The following RCL1 variants were observed in gnomAD, a reference collection of about 807,000 sequenced individuals.
RCL1 encodes the protein RNA terminal phosphate cyclase like 1, also known as RNA 3'-terminal phosphate cyclase-like protein.
RCL1 carries 24 observed loss-of-function variants against 42.4 expected under a neutral mutation model. The ratio of observed to expected loss-of-function variants is 0.57; its 90% CI spans 0.41 to 0.80. The LOEUF is 0.80. Among genes scored for constraint, RCL1 ranks in the 30% least tolerant of loss-of-function variants. The pLI is 0.00. For synonymous variants in RCL1, 228 were observed against 177.3 expected, an observed-to-expected ratio of 1.29 and a Z score of -2.27; for missense variants, 578 against 467.9, an observed-to-expected ratio of 1.24 and a Z score of -2.17.
rs759549494 is a variant in RCL1, at chr9:4,861,036, T to C, written c.*761T>C. The C allele has an allele frequency of 6.6e-6, 1 of 152,256 alleles. No homozygotes were observed. Among genetic ancestry groups the C allele is most frequent in the Non-Finnish European group, 1.5e-5 (1 of 68,050 alleles). 9.4% of individuals were successfully genotyped at this position (152,256 alleles called of 1,614,324 possible). A position where few individuals can be genotyped will look rare whatever the true frequency, so the allele number is the denominator to read the frequency against. ...TGTTTTGTTCCTTTGAAATGTATAA[T>C]GTAAAGACATTAAATCTCCTCATTT... On this transcript the variant is annotated 3_prime_UTR_variant, in exon 9 of 9. Coordinates refer to ENST00000381750, the MANE Select transcript of RCL1 (RefSeq NM_005772.5).
chr9:4,835,605 A>G (rs1817097169), intron 5 of RCL1, among the ~76,000 whole-genome samples: 3 of 152,250 alleles, frequency 2.0e-5, no homozygotes, highest in South Asian at 2.1e-4. Flanking sequence ...CCTTTTACAA[A>G]AAGATTGGTA....
At chr9:4,849,619 G>C (rs1817651078) in intron 8 of RCL1, 69 bp downstream of exon 8, 1 of 1,173,712 alleles carries the variant, frequency 8.5e-7, no homozygotes, top group Non-Finnish European at 1.3e-6. Context: ...AATGACAAAG[G>C]GTGTTGTGCT....
intron 1 of RCL1, among the ~76,000 whole-genome samples, chr9:4,806,633 C>CACACACACACACAT (rs869274587): frequency 2.1e-5 from 3 of 140,970 alleles, no homozygotes; most frequent in African/African-American, 7.7e-5. Context: ...CACACACACA[C>CACACACACACACAT]ATATACTTAC....
Position 4,829,215 on chromosome 9 carries a change from C to T in RCL1, c.384+2182C>T, listed in dbSNP as rs142353838. Among the ~76,000 whole-genome samples, 200 of 152,242 alleles carry T rather than the reference C, an allele frequency of 1.3e-3. 1 individual carries two copies. Among genetic ancestry groups the T allele is most frequent in the African/African-American group, 4.6e-3 (193 of 41,536 alleles). ...TTTCTTGAGGAGGGAAAATCAGAATCAGTCTGGGTTTTAGGAAGATAATTC... is the reference window on the plus strand; with the variant it reads ...TTTCTTGAGGAGGGAAAATCAGAATTAGTCTGGGTTTTAGGAAGATAATTC... On this transcript the variant is annotated intron_variant, in intron 3 of 8. Transcript: ENST00000381750.
chr9:4,814,933 A>G (rs773264187), intron 1 of RCL1, among the ~76,000 whole-genome samples: 5 of 151,374 alleles, frequency 3.3e-5, no homozygotes, highest in Non-Finnish European at 4.4e-5. Flanking sequence ...TGAATATATC[A>G]TCTTATTCTC....
At chr9:4,798,836 C>T (rs936777168) in intron 1 of RCL1, among the ~76,000 whole-genome samples, 1 of 150,802 alleles carries the variant, frequency 6.6e-6, no homozygotes, top group Non-Finnish European at 1.5e-5. Context: ...ACAAAGTATG[C>T]TTCCAAGTGA....
At chr9:4,814,161 AAAAT>A (rs1479040577) in intron 1 of RCL1, among the ~76,000 whole-genome samples, 1 of 147,930 alleles carries the variant, frequency 6.8e-6, no homozygotes, top group Non-Finnish European at 1.5e-5. Context: ...AAAATACAAT[AAAAT>A]AAAATTTCCC....
chr9:4,799,468 G>A (rs1842964143), intron 1 of RCL1, among the ~76,000 whole-genome samples: 1 of 152,144 alleles, frequency 6.6e-6, no homozygotes, highest in Non-Finnish European at 1.5e-5. Flanking sequence ...TATTGACATT[G>A]ATACAGTGAG....
At chr9:4,831,900 A>G (rs1816954435) in intron 3 of RCL1, among the ~76,000 whole-genome samples, 1 of 152,212 alleles carries the variant, frequency 6.6e-6, no homozygotes. Flanking sequence ...AGAGATAAGG[A>G]AATTCAGATA....
At chr9:4,829,278 C>G (rs779321760) in intron 3 of RCL1, among the ~76,000 whole-genome samples, 1 of 152,112 alleles carries the variant, frequency 6.6e-6, no homozygotes, top group Non-Finnish European at 1.5e-5. Flanking sequence ...AGGTGATAGA[C>G]TAGCTTGGGC....
At chr9:4,803,124 G>A (rs1843034070) in intron 1 of RCL1, among the ~76,000 whole-genome samples, 2 of 152,006 alleles carry the variant, frequency 1.3e-5, no homozygotes, top group South Asian at 4.1e-4. Flanking sequence ...CAGAATTACA[G>A]GTGTTGAGCC....
intron 1 of RCL1, among the ~76,000 whole-genome samples, chr9:4,803,390 A>T (rs1047539706): frequency 6.6e-6 from 1 of 152,222 alleles, no homozygotes; most frequent in Non-Finnish European, 1.5e-5. Context: ...CAAAGAGAAT[A>T]CAAGGTGATC....
Position 4,860,119 on chromosome 9 carries a change from T to G in RCL1, c.972-6T>G, listed in dbSNP as rs1323581230. ...TTATTTATTTATTTATTTTTTTCCT[T>G]TTTAGGATAGAATTTTTGCGGCATT... On this transcript the variant is annotated splice_polypyrimidine_tract_variant and splice_region_variant and intron_variant, in intron 8 of 8. Coordinates refer to ENST00000381750, the MANE Select transcript of RCL1 (RefSeq NM_005772.5). 2 of 1,558,856 alleles carry G rather than the reference T, an allele frequency of 1.3e-6. No individual in the cohort carries two copies. The highest frequency in any genetic ancestry group is 4.0e-5 in the Admixed American group (2 of 50,578).
chr9:4,842,131 GT>G (rs1189497259), intron 6 of RCL1, among the ~76,000 whole-genome samples: 2 of 152,132 alleles, frequency 1.3e-5, no homozygotes, highest in African/African-American at 4.8e-5. Context: ...GTTTGTTTTT[GT>G]TTTTTACTGA....
Position 4,860,383 on chromosome 9 carries a change from G to C in RCL1, c.*108G>C, listed in dbSNP as rs147508431. The C allele has an allele frequency of 3.8e-4, 438 of 1,157,536 alleles. 2 individuals carry two copies. In the African/African-American group the frequency reaches 4.7e-3, roughly 12 times the overall value. The allele number at this position is 1,157,536 out of a possible 1,614,324, so 71.7% of individuals were successfully genotyped here. A position where few individuals can be genotyped will look rare whatever the true frequency, so the allele number is the denominator to read the frequency against. On this transcript the variant is annotated 3_prime_UTR_variant, in exon 9 of 9. Transcript: ENST00000381750. Reference sequence around the variant, plus strand: ...TTAATCCAGGACAGAATAGCCACTTGCTTAATTTTCTGTGAAGAAATATCA... The same window carrying C: ...TTAATCCAGGACAGAATAGCCACTTCCTTAATTTTCTGTGAAGAAATATCA...
intron 3 of RCL1, 66 bp downstream of exon 3, chr9:4,827,099 GA>G (rs1313743362): frequency 1.2e-6 from 2 of 1,606,634 alleles, no homozygotes; most frequent in African/African-American, 2.7e-5. Context: ...CAACTTGTGA[GA>G]AAAAAGTTCC....
chr9:4,801,539 G>C (rs1048143640), intron 1 of RCL1, among the ~76,000 whole-genome samples: 2 of 152,082 alleles, frequency 1.3e-5, no homozygotes, highest in East Asian at 1.9e-4. Context: ...TTTGTAGTTT[G>C]TTAATATTTT....
At chr9:4,808,700 C>G (rs908677938) in intron 1 of RCL1, among the ~76,000 whole-genome samples, 1 of 152,062 alleles carries the variant, frequency 6.6e-6, no homozygotes, top group African/African-American at 2.4e-5. Context: ...TTGAAGAGTT[C>G]AGGTATAAAA....
At chr9:4,820,776 A>G (rs555416984) in intron 1 of RCL1, among the ~76,000 whole-genome samples, 1 of 152,172 alleles carries the variant, frequency 6.6e-6, no homozygotes, top group African/African-American at 2.4e-5. Flanking sequence ...ATTGTGCCTG[A>G]TTTGTAAAGA....
Sources: gnomAD v4.1 joint callset for allele counts (sites outside exome capture counted in the v4.1 genomes callset) on GRCh38, gnomAD v4.1.1 for gene constraint, MANE v1.5 for transcripts, NCBI Gene and HGNC (gene_info 2026-07-23, HGNC 2026-07-21) for gene names.